Variants in VWA8 observed in about 807,000 individuals in gnomAD.
VWA8 encodes the protein von Willebrand factor A domain containing 8, also known as von Willebrand factor A domain-containing protein 8.
VWA8 carries 221 observed loss-of-function variants against 241.5 expected under a neutral mutation model. The observed-to-expected ratio is 0.91, with a 90% CI of 0.82 to 1.02. VWA8 has a LOEUF of 1.02. Ranked by LOEUF, VWA8 falls within the 50% of genes least tolerant of loss-of-function variation. VWA8 has a pLI of 0.00. For missense variants in VWA8, 2,322 were observed against 2,328.7 expected, an observed-to-expected ratio of 1.00 and a Z score of 0.06; for synonymous variants, 852 against 827.1, an observed-to-expected ratio of 1.03 and a Z score of -0.52.
rs79747003 is a variant in VWA8 at position 41,720,287 on chromosome 13, A to T, written c.2965-545T>A. 3.6e-3 allele frequency among the ~76,000 whole-genome samples: 546 copies of T among 152,248 alleles called. 16 individuals carry two copies. In the East Asian group the frequency reaches 0.064, roughly 18 times the overall value. ...GAATTTACACTGCTCATGTCCTCTG[A>T]GTCCTTTCCTGGGTCTGCTTTGATT... On this transcript the variant is annotated intron_variant, in intron 25 of 44. Transcript: ENST00000379310.
At chr13:41,793,955 G>T (rs1360320802) in intron 17 of VWA8, among the ~76,000 whole-genome samples, 1 of 152,152 alleles carries the variant, frequency 6.6e-6, no homozygotes, top group Non-Finnish European at 1.5e-5. Context: ...GTAGATGTGT[G>T]ATCTTAGAAT....
intron 34 of VWA8, among the ~76,000 whole-genome samples, 160 bp from the exon 35 acceptor site, chr13:41,685,402 T>C (rs2045129484): frequency 6.6e-6 from 1 of 152,196 alleles, no homozygotes; most frequent in Non-Finnish European, 1.5e-5. Flanking sequence ...ATGCCTGTAA[T>C]CCCAGTACTT....
chr13:41,912,506 C>T (rs539093663), intron 2 of VWA8, among the ~76,000 whole-genome samples: 95 of 152,034 alleles, frequency 6.2e-4, no homozygotes, highest in African/African-American at 2.1e-3. Flanking sequence ...CTGTTCCTAA[C>T]GAAATAAAAG....
At chr13:41,665,310 T>A (rs979241217) in intron 37 of VWA8, among the ~76,000 whole-genome samples, 1 of 152,114 alleles carries the variant, frequency 6.6e-6, no homozygotes, top group Admixed American at 6.6e-5. Context: ...TTGTTAAGGT[T>A]CAATTATTTT....
At chr13:41,685,740 T>C (rs2045132104) in intron 34 of VWA8, among the ~76,000 whole-genome samples, 3 of 152,054 alleles carry the variant, frequency 2.0e-5, no homozygotes, top group African/African-American at 7.2e-5. Flanking sequence ...AAAGTAAACA[T>C]CTATACATAA....
At chr13:41,864,530 A>T in intron 12 of VWA8, 3 of 398,294 alleles carry the variant, frequency 7.5e-6, no homozygotes, top group South Asian at 5.8e-5. Flanking sequence ...ATATGCAACA[A>T]CATGGATAAA....
intron 21 of VWA8, among the ~76,000 whole-genome samples, chr13:41,734,165 C>T (rs2045507077): frequency 6.6e-6 from 1 of 152,074 alleles, no homozygotes; most frequent in East Asian, 1.9e-4. Context: ...TGGTGAAACT[C>T]CAGCTCTACT....
At chr13:41,573,969 C>A (rs12873313) in intron 43 of VWA8, among the ~76,000 whole-genome samples, 25,737 of 152,042 alleles carry the variant, frequency 0.17, 2,331 homozygotes, top group Admixed American at 0.25. Context: ...AAGAGTTCAA[C>A]TGGATTGTTT....
chr13:41,630,354 C>T (rs2044718366), intron 37 of VWA8, among the ~76,000 whole-genome samples: 1 of 151,898 alleles, frequency 6.6e-6, no homozygotes. Flanking sequence ...TCTCACCCTC[C>T]ACCTCTCCAC....
chr13:41,602,983 T>A (rs959453497), intron 40 of VWA8, among the ~76,000 whole-genome samples: 1 of 152,176 alleles, frequency 6.6e-6, no homozygotes, highest in South Asian at 2.1e-4. Flanking sequence ...CTTTCCTATA[T>A]CTTAAAACTC....
chr13:41,916,322 G>A (rs1384512525), intron 2 of VWA8, among the ~76,000 whole-genome samples: 1 of 152,180 alleles, frequency 6.6e-6, no homozygotes, highest in Non-Finnish European at 1.5e-5. Context: ...TCCAAAACTT[G>A]TATTTCAGTC....
At chr13:41,763,779 G>A (rs1566447138) in intron 20 of VWA8, among the ~76,000 whole-genome samples, 1 of 152,178 alleles carries the variant, frequency 6.6e-6, no homozygotes, top group Non-Finnish European at 1.5e-5. Context: ...CTATCAGGGA[G>A]TTCCTCCTCC....
At chr13:41,692,753 T>A (rs7140090) in intron 30 of VWA8, 109 bp downstream of exon 30, 11 of 718,824 alleles carry the variant, frequency 1.5e-5, no homozygotes, top group South Asian at 5.3e-5. Context: ...AATTCTCTTG[T>A]GCATTACAAC....
chr13:41,746,809 A>G (rs1249206440), intron 21 of VWA8, among the ~76,000 whole-genome samples: 1 of 152,228 alleles, frequency 6.6e-6, no homozygotes, highest in East Asian at 1.9e-4. Context: ...AGGATTAGGA[A>G]TATGATGCTA....
chr13:41,901,742 TG>T (rs1475959393), intron 4 of VWA8, among the ~76,000 whole-genome samples: 1 of 151,012 alleles, frequency 6.6e-6, no homozygotes, highest in Non-Finnish European at 1.5e-5. Context: ...GGTGCGCACC[TG>T]TAGTCCCAGT....
At chr13:41,877,217 A>G (rs1282958616) in intron 9 of VWA8, among the ~76,000 whole-genome samples, 1 of 152,082 alleles carries the variant, frequency 6.6e-6, no homozygotes, top group Non-Finnish European at 1.5e-5. Flanking sequence ...GGTAGGATTT[A>G]TGGACATTTT....
intron 20 of VWA8, among the ~76,000 whole-genome samples, chr13:41,767,053 C>T (rs532627882): frequency 6.6e-5 from 10 of 152,282 alleles, no homozygotes; most frequent in African/African-American, 2.4e-4. Flanking sequence ...AGCTTTCTTG[C>T]ATGTTCTCTG....
At chr13:41,784,151 A>C (rs758532854) in intron 18 of VWA8, among the ~76,000 whole-genome samples, 1 of 152,092 alleles carries the variant, frequency 6.6e-6, no homozygotes, top group Non-Finnish European at 1.5e-5. Context: ...AACTAAAAAA[A>C]AAAACAAAAC....
chr13:41,781,465 T>C (rs1868882665), intron 19 of VWA8, among the ~76,000 whole-genome samples: 1 of 152,098 alleles, frequency 6.6e-6, no homozygotes, highest in Non-Finnish European at 1.5e-5. Flanking sequence ...CTGCACATAC[T>C]TCCACCACAC....
Sources: gnomAD v4.1 joint callset for allele counts (sites outside exome capture counted in the v4.1 genomes callset) on GRCh38, gnomAD v4.1.1 for gene constraint, MANE v1.5 for transcripts, NCBI Gene and HGNC (gene_info 2026-07-23, HGNC 2026-07-21) for gene names.